Variants in GPM6A observed in about 807,000 individuals in gnomAD.
GPM6A encodes the protein glycoprotein M6A, also known as neuronal membrane glycoprotein M6-a.
Under a neutral mutation model 32.1 loss-of-function variants are expected in GPM6A, and 7 were observed. The ratio of observed to expected loss-of-function variants is 0.22; its 90% CI spans 0.12 to 0.41. The LOEUF is 0.41. Among genes scored for constraint, GPM6A ranks in the 10% least tolerant of loss-of-function variants. The pLI, the probability that GPM6A is intolerant of heterozygous loss-of-function variation, is 1.00. For missense variants in GPM6A, 235 were observed against 347.2 expected (o/e 0.68, Z 2.57); for synonymous variants, 130 against 123.4 (o/e 1.05, Z -0.35).
At chr4:175,862,276 T>C (rs1560969283) in intron 1 of GPM6A, among the ~76,000 whole-genome samples, 3 of 152,210 alleles carry the variant, frequency 2.0e-5, no homozygotes, top group African/African-American at 7.2e-5. Flanking sequence ...CAGTGCCAGA[T>C]GACTCTGCCA....
intron 1 of GPM6A, among the ~76,000 whole-genome samples, chr4:175,847,583 TTAA>T (rs1736129534): frequency 1.3e-5 from 2 of 152,076 alleles, no homozygotes; most frequent in Non-Finnish European, 2.9e-5. Context: ...CTTATTTTAC[TTAA>T]TAATGACCCA....
At chr4:175,746,044 C>T (rs1261798503) in intron 1 of GPM6A, among the ~76,000 whole-genome samples, 1 of 152,012 alleles carries the variant, frequency 6.6e-6, no homozygotes, top group Non-Finnish European at 1.5e-5. Flanking sequence ...GAATGAGTGG[C>T]AAGAGTAAAT....
chr4:175,770,410 C>A (rs1733140232), intron 1 of GPM6A, among the ~76,000 whole-genome samples: 1 of 152,146 alleles, frequency 6.6e-6, no homozygotes, highest in Non-Finnish European at 1.5e-5. Flanking sequence ...CTCTTGTCAG[C>A]CAGAATGACA....
upstream of GPM6A, chr4:175,812,738 C>T: frequency 1.0e-6 from 1 of 985,566 alleles, no homozygotes; most frequent in Non-Finnish European, 1.2e-6. Context: ...TAATTCCCCC[C>T]TTCATTCCAG....
rs140806453 is a variant in GPM6A, at chr4:175,990,522, G to A, written c.-23+11787C>T. On this transcript the variant is annotated intron_variant, in intron 1 of 7. Transcript: ENST00000280187. The stretch of plus-strand genomic sequence containing the variant: ...ATACTTACCCTGCATCCTTCGTTAC[G>A]TCATTATGTGCAGAGCAAGGGTGGG... Among the ~76,000 whole-genome samples, 1,278 of 152,124 alleles carry A rather than the reference G, an allele frequency of 8.4e-3. 11 individuals carry two copies. Among genetic ancestry groups the A allele is most frequent in the African/African-American group, 0.029 (1,196 of 41,494 alleles).
At chr4:175,691,634 A>C (rs1369089706) in intron 2 of GPM6A, among the ~76,000 whole-genome samples, 1 of 152,230 alleles carries the variant, frequency 6.6e-6, no homozygotes, top group Non-Finnish European at 1.5e-5. Context: ...ACTTGAAGAT[A>C]TCATGATCGA....
intron 1 of GPM6A, among the ~76,000 whole-genome samples, chr4:175,822,390 A>T (rs1735302834): frequency 1.3e-5 from 2 of 152,142 alleles, no homozygotes; most frequent in African/African-American, 4.8e-5. Context: ...AGAATCGTTT[A>T]TTAAAATTTT....
At chr4:175,933,245 C>A (rs1392767360) in intron 1 of GPM6A, among the ~76,000 whole-genome samples, 1 of 152,024 alleles carries the variant, frequency 6.6e-6, no homozygotes, top group Non-Finnish European at 1.5e-5. Context: ...CATAAAAAGA[C>A]ACTCAATATC....
chr4:175,695,835 C>G (rs1744549407), intron 2 of GPM6A, among the ~76,000 whole-genome samples: 1 of 152,052 alleles, frequency 6.6e-6, no homozygotes, highest in Non-Finnish European at 1.5e-5. Context: ...GATCTGGTCC[C>G]CACTCAAATC....
At chr4:175,741,015 T>C (rs1463349441) in intron 1 of GPM6A, among the ~76,000 whole-genome samples, 1 of 152,012 alleles carries the variant, frequency 6.6e-6, no homozygotes, top group Admixed American at 6.6e-5. Flanking sequence ...ATTTTGAAAA[T>C]TACAGGCTTA....
intron 1 of GPM6A, among the ~76,000 whole-genome samples, chr4:175,834,378 G>A (rs1197367010): frequency 2.6e-5 from 4 of 152,088 alleles, no homozygotes; most frequent in South Asian, 2.1e-4. Context: ...TGCATGGGTG[G>A]TTACAAAATC....
At chr4:175,649,024 A>G (rs1480936267) in intron 4 of GPM6A, among the ~76,000 whole-genome samples, 3 of 152,214 alleles carry the variant, frequency 2.0e-5, no homozygotes, top group Non-Finnish European at 4.4e-5. Flanking sequence ...ATTATAGTTG[A>G]AAAAAGCTCT....
chr4:175,909,028 CA>C lies in GPM6A; in HGVS notation c.-23+93280del, dbSNP rs1218577688. 7.6e-3 allele frequency among the ~76,000 whole-genome samples: 471 copies of C among 61,766 alleles called. 1 individual carries two copies. Among genetic ancestry groups the C allele is most frequent in the Middle Eastern group, 0.029 (1 of 34 alleles). The allele number at this position is 61,766 out of a possible 152,430, so 40.5% of individuals were successfully genotyped here. A position where few individuals can be genotyped will look rare whatever the true frequency, so the allele number is the denominator to read the frequency against. ...ACTGCATTTTGCCACTAGAGGCAGA[CA>C]AAAAAAAAAGGGCGGGGGGGGGGCA... On this transcript the variant is annotated intron_variant, in intron 1 of 7. Coordinates refer to the GPM6A transcript ENST00000280187.
chr4:175,878,748 T>C (rs1294376776), intron 1 of GPM6A, among the ~76,000 whole-genome samples: 1 of 152,162 alleles, frequency 6.6e-6, no homozygotes, highest in East Asian at 1.9e-4. Flanking sequence ...GTCTCCTCAT[T>C]ACTTGTGCAA....
intron 1 of GPM6A, among the ~76,000 whole-genome samples, chr4:175,805,291 G>A (rs1241434643): frequency 6.6e-6 from 1 of 152,098 alleles, no homozygotes; most frequent in African/African-American, 2.4e-5. Flanking sequence ...TGTTAAGAAA[G>A]AATAGGTAAT....
At chr4:175,987,482 A>G (rs1561024266) in intron 1 of GPM6A, among the ~76,000 whole-genome samples, 1 of 152,010 alleles carries the variant, frequency 6.6e-6, no homozygotes, top group Non-Finnish European at 1.5e-5. Context: ...ATTAAGACTT[A>G]AAACTTAGTT....
At chr4:175,767,647 T>C (rs914409295) in intron 1 of GPM6A, among the ~76,000 whole-genome samples, 1 of 152,228 alleles carries the variant, frequency 6.6e-6, no homozygotes, top group Non-Finnish European at 1.5e-5. Flanking sequence ...TATGTGGCTG[T>C]AGTTATGGCT....
At chr4:175,642,831 C>T (rs977541023) in intron 4 of GPM6A, among the ~76,000 whole-genome samples, 1 of 152,100 alleles carries the variant, frequency 6.6e-6, no homozygotes, top group African/African-American at 2.4e-5. Context: ...CTTCTGAAAT[C>T]AGGATTCATA....
intron 1 of GPM6A, among the ~76,000 whole-genome samples, chr4:175,947,378 A>T (rs1298424845): frequency 6.6e-6 from 1 of 152,048 alleles, no homozygotes; most frequent in Non-Finnish European, 1.5e-5. Context: ...ATATTTCTTA[A>T]GTACAATATT....
Sources: allele counts gnomAD v4.1 joint callset (sites outside exome capture counted in the v4.1 genomes callset), GRCh38; gene constraint gnomAD v4.1.1; transcripts MANE v1.5; gene names NCBI Gene and HGNC (gene_info 2026-07-23, HGNC 2026-07-21).